RGS12: variants seen among roughly 807,000 people sequenced by gnomAD.
The protein encoded by RGS12 is regulator of G protein signaling 12, also known as regulator of G-protein signaling 12.
Under a neutral mutation model 120.1 loss-of-function variants are expected in RGS12, and 66 were observed. The observed-to-expected ratio is 0.55, with a 90% confidence interval of 0.45 to 0.67. The LOEUF (loss-of-function observed/expected upper bound fraction) is 0.67, where lower values mean the gene tolerates loss of function less well. Among genes scored for constraint, RGS12 ranks in the 30% least tolerant of loss-of-function variants. The pLI is 0.00. For missense variants in RGS12, 1,859 were observed against 1,957.7 expected, an observed-to-expected ratio of 0.95 and a Z score of 0.95; for synonymous variants, 827 against 804.7, an observed-to-expected ratio of 1.03 and a Z score of -0.47.
At chr4:3,320,741 C>T (rs138243155) in intron 2 of RGS12, among the ~76,000 whole-genome samples, 3 of 152,132 alleles carry the variant, frequency 2.0e-5, no homozygotes, top group African/African-American at 7.2e-5. Context: ...CCATAGCCTC[C>T]CCAGTTAGAG....
chr4:3,435,359 C>T (rs13137747), intron 17 of RGS12, among the ~76,000 whole-genome samples: 56,823 of 151,992 alleles, frequency 0.37, 11,111 homozygotes, highest in East Asian at 0.44. Context: ...CGGCAGCTCC[C>T]GTGCCCCGCC....
At chr4:3,434,840 C>G (rs1478231252) in intron 17 of RGS12, among the ~76,000 whole-genome samples, 1 of 152,224 alleles carries the variant, frequency 6.6e-6, no homozygotes, top group Non-Finnish European at 1.5e-5. Context: ...TCACTGCTGC[C>G]CTGCTGGCTG....
chr4:3,320,154 A>C (rs1049543476), intron 2 of RGS12, among the ~76,000 whole-genome samples: 14 of 152,236 alleles, frequency 9.2e-5, no homozygotes, highest in Admixed American at 9.2e-4. Context: ...AGTGACCTGG[A>C]CAGTGGGGAG....
chr4:3,355,667 C>T (rs141301614), intron 3 of RGS12, among the ~76,000 whole-genome samples: 2 of 151,294 alleles, frequency 1.3e-5, no homozygotes, highest in East Asian at 1.9e-4. Flanking sequence ...TGGTGGTATG[C>T]GCCCATAGTC....
chr4:3,325,656 T>C (rs985744396), intron 2 of RGS12, among the ~76,000 whole-genome samples: 1 of 152,086 alleles, frequency 6.6e-6, no homozygotes, highest in African/African-American at 2.4e-5. Context: ...TTCCAGAAAA[T>C]GGAGGATGAG....
chr4:3,386,248 G>T, intron 3 of RGS12, 168 bp from the exon 4 acceptor site: 1 of 657,290 alleles, frequency 1.5e-6, no homozygotes, highest in Admixed American at 2.7e-5. Context: ...TGGGAGCCGT[G>T]ACTCTTGACT....
chr4:3,314,249 C>T (rs1440127366), intron 1 of RGS12: 1 of 152,032 alleles, frequency 6.6e-6, no homozygotes, highest in Non-Finnish European at 1.5e-5. Flanking sequence ...TTTGGAGTCA[C>T]CTAGTAATAG....
chr4:3,403,178 C>T (rs937323430), intron 4 of RGS12, among the ~76,000 whole-genome samples: 4 of 152,220 alleles, frequency 2.6e-5, no homozygotes, highest in East Asian at 1.9e-4. Context: ...TCACTTCAGA[C>T]GTAGAGAGTT....
chr4:3,328,681 T>C (rs558294983), intron 2 of RGS12, among the ~76,000 whole-genome samples: 4 of 152,238 alleles, frequency 2.6e-5, no homozygotes, highest in Admixed American at 6.5e-5. Context: ...GGTATAGATA[T>C]AGTAGTTTTG....
intron 11 of RGS12, 90 bp downstream of exon 11, chr4:3,422,660 C>T (rs1042221597): frequency 1.1e-5 from 15 of 1,364,942 alleles, no homozygotes; most frequent in Non-Finnish European, 1.5e-5. Flanking sequence ...TCAGGCTGCC[C>T]CCTCCTGCGC....
rs1182813355 is a variant in RGS12 at position 3,372,536 on chromosome 4, C to T, written c.1999-13880C>T. Among the ~76,000 whole-genome samples, 1 of 152,190 alleles carries T rather than the reference C, an allele frequency of 6.6e-6. No homozygotes were observed. The highest frequency in any genetic ancestry group is 1.5e-5 in the Non-Finnish European group (1 of 68,036). On this transcript the variant is annotated intron_variant, in intron 3 of 17. Transcript: ENST00000336727. This position sits in a 1 kb window ranked among gnomAD's most constrained non-coding sequence, Gnocchi z 4.3. The stretch of plus-strand genomic sequence containing the variant: ...GAGCTAGGGGTTTGACTTTAGTCCT[C>T]AGCTGTCAGAGGCCGCCTCGGGTGC...
intron 1 of RGS12, among the ~76,000 whole-genome samples, chr4:3,310,838 G>C (rs541236866): frequency 6.6e-6 from 1 of 152,296 alleles, no homozygotes; most frequent in Non-Finnish European, 1.5e-5. Flanking sequence ...GTGGTGTCTT[G>C]CTGTCTCAGG....
At chr4:3,294,332 C>T (rs940769334) in intron 1 of RGS12, among the ~76,000 whole-genome samples, 7 of 152,208 alleles carry the variant, frequency 4.6e-5, no homozygotes, top group African/African-American at 7.2e-5. Context: ...GGCAGAGAGG[C>T]GGCTTTGGGC....
chr4:3,415,876 T>G, intron 6 of RGS12, 102 bp from the exon 7 acceptor site: 12 of 1,276,222 alleles, frequency 9.4e-6, no homozygotes, highest in Non-Finnish European at 1.2e-5. Flanking sequence ...CTGGGGCCCG[T>G]GAGAACACAT....
intron 2 of RGS12, among the ~76,000 whole-genome samples, chr4:3,330,330 G>A (rs974226676): frequency 1.3e-5 from 2 of 152,148 alleles, no homozygotes; most frequent in Non-Finnish European, 2.9e-5. Context: ...AATATCCTTG[G>A]GTTTGCCAGG....
intron 1 of RGS12, among the ~76,000 whole-genome samples, chr4:3,310,972 C>G (rs1482222986): frequency 2.6e-5 from 4 of 152,338 alleles, no homozygotes; most frequent in Non-Finnish European, 4.4e-5. Flanking sequence ...TGCCCCCACT[C>G]CCTCATCTGC....
Position 3,422,489 on chromosome 4 carries a change from C to T in RGS12, c.2952C>T (p.Ile984=). 1 of 1,613,064 alleles carries T rather than the reference C, an allele frequency of 6.2e-7. No individual in the cohort carries two copies. The highest frequency in any genetic ancestry group is 8.5e-7 in the Non-Finnish European group (1 of 1,179,988). ...CVVAVKAGFS[I]KDILSGLCER... Reference sequence around the variant, plus strand: ...TGGCTGTCAAGGCGGGCTTCTCCATCAAAGACATCCTGTCCGGACTCTGTG... The same window carrying T: ...TGGCTGTCAAGGCGGGCTTCTCCATTAAAGACATCCTGTCCGGACTCTGTG... Residue 984 remains isoleucine (I), a synonymous_variant, in exon 11 of 18, where the codon ATC becomes ATT. Coordinates refer to ENST00000336727, the MANE Select transcript of RGS12 (RefSeq NM_001394154.1).
chr4:3,330,780 C>T (rs1041350239), intron 2 of RGS12, among the ~76,000 whole-genome samples: 5 of 152,202 alleles, frequency 3.3e-5, no homozygotes, highest in African/African-American at 1.2e-4. Context: ...GCTCCACCCT[C>T]CTCAGGAACC....
rs1286868377 is a variant in RGS12 at position 3,439,844 on chromosome 4, C to T, written c.*160C>T. ...GCTGGAGGCACTGGCCCCGGACATT[C>T]GCCATGCTGGCCATGGGGCTCCCTG... On this transcript the variant is annotated 3_prime_UTR_variant, in exon 18 of 18. Coordinates refer to ENST00000336727, the MANE Select transcript of RGS12 (RefSeq NM_001394154.1). 9 of 651,306 alleles carry T rather than the reference C, an allele frequency of 1.4e-5. No homozygotes were observed. The highest frequency in any genetic ancestry group is 2.4e-5 in the South Asian group (1 of 41,838). The allele number at this position is 651,306 out of a possible 1,614,324, so 40.3% of individuals were successfully genotyped here.
Sources: allele counts gnomAD v4.1 joint callset (sites outside exome capture counted in the v4.1 genomes callset), GRCh38; gene constraint gnomAD v4.1.1; non-coding constraint Gnocchi (gnomAD v3.1); transcripts MANE v1.5; gene names NCBI Gene and HGNC (gene_info 2026-07-23, HGNC 2026-07-21).